KATNAL2: variants seen among roughly 807,000 people sequenced by gnomAD.
KATNAL2 encodes katanin p60 ATPase-containing subunit A-like 2.
KATNAL2 carries 52 observed loss-of-function variants against 76.3 expected under a neutral mutation model. The observed-to-expected ratio is 0.68, with a 90% CI of 0.55 to 0.86. The LOEUF (loss-of-function observed/expected upper bound fraction) is 0.86, where lower values mean the gene tolerates loss of function less well. KATNAL2 is among the 40% of genes least tolerant of loss of function. The probability of loss-of-function intolerance (pLI) is 0.00; values close to 1 mark genes in which losing one functional copy is unlikely to be tolerated. For synonymous variants in KATNAL2, 243 were observed against 244.2 expected (o/e 1.00, Z 0.05); for missense variants, 660 against 668.9 (o/e 0.99, Z 0.15).
chr18:47,045,758 G>C (rs961711857), intron 3 of KATNAL2, among the ~76,000 whole-genome samples: 2 of 152,340 alleles, frequency 1.3e-5, no homozygotes, highest in South Asian at 2.1e-4. Flanking sequence ...AGATAGATAA[G>C]TTATTTTCAA....
chr18:47,100,572 T>G (rs1415164052), intron 17 of KATNAL2, among the ~76,000 whole-genome samples: 2 of 152,126 alleles, frequency 1.3e-5, no homozygotes, highest in Admixed American at 6.5e-5. Context: ...CAGGCTTTTA[T>G]TTCTCTGGCA....
intron 3 of KATNAL2, chr18:47,033,105 G>A: frequency 6.2e-7 from 1 of 1,614,134 alleles, no homozygotes; most frequent in Non-Finnish European, 8.5e-7. Flanking sequence ...CGGGCGCCGC[G>A]TGCTCATTGC....
chr18:47,065,616 G>C (rs1040606260), intron 10 of KATNAL2, among the ~76,000 whole-genome samples: 1 of 151,988 alleles, frequency 6.6e-6, no homozygotes, highest in Middle Eastern at 3.2e-3. Context: ...TTGCTGCACT[G>C]TAGCCTGGGT....
chr18:47,049,103 G>A (rs1219410194), intron 4 of KATNAL2, among the ~76,000 whole-genome samples: 6 of 152,054 alleles, frequency 3.9e-5, no homozygotes, highest in Non-Finnish European at 8.8e-5. Flanking sequence ...GATTACAGGC[G>A]TGAGCCACCG....
At chr18:46,939,677 G>A (rs2146615390) in intron 1 of KATNAL2, among the ~76,000 whole-genome samples, 1 of 152,270 alleles carries the variant, frequency 6.6e-6, no homozygotes. Flanking sequence ...CCATCCATTA[G>A]TCAGAGACAG....
At chr18:46,957,770 C>T (rs557139332) in intron 3 of KATNAL2, among the ~76,000 whole-genome samples, 2 of 150,946 alleles carry the variant, frequency 1.3e-5, no homozygotes, top group Non-Finnish European at 1.5e-5. Flanking sequence ...CCATGTTGGT[C>T]AGGCTGGTCT....
At chr18:46,966,130 A>G (rs2060127203) in intron 3 of KATNAL2, among the ~76,000 whole-genome samples, 3 of 140,382 alleles carry the variant, frequency 2.1e-5, no homozygotes, top group Non-Finnish European at 4.8e-5. Flanking sequence ...TGTTGTGCAG[A>G]GAAATAAGTA....
chr18:46,920,176 C>T, intron 1 of KATNAL2: 1 of 753,648 alleles, frequency 1.3e-6, no homozygotes, highest in Non-Finnish European at 2.0e-6. Context: ...CTGCCCTAGA[C>T]TGGCCTGAGT....
chr18:47,060,173 T>A (rs1386296796), intron 8 of KATNAL2, among the ~76,000 whole-genome samples: 4 of 152,092 alleles, frequency 2.6e-5, no homozygotes, highest in Non-Finnish European at 5.9e-5. Context: ...ATTTTTTTCA[T>A]TTTTCTAGAG....
At chr18:47,033,554 T>C (rs1453431191) in intron 3 of KATNAL2, 2 of 1,614,008 alleles carry the variant, frequency 1.2e-6, no homozygotes, top group Non-Finnish European at 1.7e-6. Flanking sequence ...TTGTCTTTCT[T>C]TCTGCGATAC....
Position 47,036,770 on chromosome 18 carries a change from C to A in KATNAL2, c.52-9687C>A, listed in dbSNP as rs1480421440. On this transcript the variant is annotated intron_variant, in intron 3 of 17. Transcript: ENST00000683218. ...TTATTTACCCTCTCAAATTAGGGAA[C>A]ACTTGGTCCTATGTTTCTGAGCATA... Among the ~76,000 whole-genome samples, 6 of 152,208 alleles carry A rather than the reference C, an allele frequency of 3.9e-5. 1 individual carries two copies. Among genetic ancestry groups the A allele is most frequent in the South Asian group, 2.1e-4 (1 of 4,832 alleles).
At chr18:46,935,698 G>A (rs569025508) in intron 1 of KATNAL2, among the ~76,000 whole-genome samples, 1 of 152,084 alleles carries the variant, frequency 6.6e-6, no homozygotes, top group Non-Finnish European at 1.5e-5. Flanking sequence ...TAGGCGGATC[G>A]CAAAGTCAGG....
intron 3 of KATNAL2, among the ~76,000 whole-genome samples, chr18:46,968,066 A>G (rs1273260664): frequency 2.5e-5 from 3 of 118,656 alleles, no homozygotes; most frequent in Non-Finnish European, 3.8e-5. Context: ...AGCTGGGACC[A>G]CAGGGGCCGT....
At chr18:47,088,636 C>T (rs538293919) in intron 15 of KATNAL2, among the ~76,000 whole-genome samples, 51 of 152,098 alleles carry the variant, frequency 3.4e-4, no homozygotes, top group South Asian at 6.2e-4. Flanking sequence ...TGGAGTGCAG[C>T]GATGCAATCT....
intron 1 of KATNAL2, among the ~76,000 whole-genome samples, chr18:46,934,257 C>A (rs2059023725): frequency 6.6e-6 from 1 of 152,150 alleles, no homozygotes. Context: ...AGTTTACAGT[C>A]CCACCAACAG....
intron 1 of KATNAL2, among the ~76,000 whole-genome samples, chr18:46,937,730 A>G (rs1481720252): frequency 6.6e-6 from 1 of 152,176 alleles, no homozygotes; most frequent in Non-Finnish European, 1.5e-5. Flanking sequence ...TTATTGCATC[A>G]CTGTTTGTAA....
At chr18:46,959,055 G>A (rs1283238226) in intron 3 of KATNAL2, among the ~76,000 whole-genome samples, 4 of 151,966 alleles carry the variant, frequency 2.6e-5, no homozygotes, top group African/African-American at 9.7e-5. Flanking sequence ...TTTATTAATC[G>A]CATGGGCTCC....
chr18:47,059,010 A>G (rs2061551631), intron 7 of KATNAL2, among the ~76,000 whole-genome samples: 1 of 152,190 alleles, frequency 6.6e-6, no homozygotes. Context: ...GGACCAATGG[A>G]AACTGAGAAA....
intron 15 of KATNAL2, among the ~76,000 whole-genome samples, chr18:47,091,959 T>C (rs1042454280): frequency 1.3e-5 from 2 of 152,154 alleles, no homozygotes; most frequent in African/African-American, 4.8e-5. Flanking sequence ...AGGGGCTTAT[T>C]TTCTCTTCCC....
Sources: allele counts gnomAD v4.1 joint callset (sites outside exome capture counted in the v4.1 genomes callset), GRCh38; gene constraint gnomAD v4.1.1; transcripts MANE v1.5; gene names NCBI Gene and HGNC (gene_info 2026-07-23, HGNC 2026-07-21).